OTOP1: variants seen among roughly 807,000 people sequenced by gnomAD.
OTOP1 encodes proton channel OTOP1.
OTOP1 carries 59 observed loss-of-function variants against 52.9 expected under a neutral mutation model. The observed-to-expected ratio is 1.12, with a 90% confidence interval of 0.91 to 1.39. The LOEUF (loss-of-function observed/expected upper bound fraction) is 1.39. OTOP1 is among the 40% of genes most tolerant of loss of function. OTOP1 has a pLI of 0.00. For missense variants in OTOP1, 761 were observed against 800.9 expected, an observed-to-expected ratio of 0.95 and a Z score of 0.60; for synonymous variants, 317 against 337.7, an observed-to-expected ratio of 0.94 and a Z score of 0.67.
chr4:4,221,228 C>T (rs1322132187), intron 1 of OTOP1, among the ~76,000 whole-genome samples: 1 of 151,676 alleles, frequency 6.6e-6, no homozygotes, highest in African/African-American at 2.4e-5. Context: ...TACAGGCACT[C>T]CACATAGCGA....
At chr4:4,207,895 C>G (rs911430572) in intron 2 of OTOP1, among the ~76,000 whole-genome samples, 3 of 152,100 alleles carry the variant, frequency 2.0e-5, no homozygotes, top group African/African-American at 4.8e-5. Context: ...AGGGCAAATA[C>G]TGGGAAACAA....
At chr4:4,209,956 C>T (rs553794252) in intron 2 of OTOP1, among the ~76,000 whole-genome samples, 11 of 152,270 alleles carry the variant, frequency 7.2e-5, no homozygotes, top group African/African-American at 1.2e-4. Flanking sequence ...CTCTCACAAA[C>T]GGTTCTTGGA....
At position 4,197,593 on chromosome 4, in the gene OTOP1, C is replaced by G. The variant is rs1252896007; in HGVS notation, c.1241G>C (p.Cys414Ser). 6.2e-7 allele frequency: 1 copy of G among 1,613,934 alleles called. No homozygotes were observed. Among genetic ancestry groups the G allele is most frequent in the Non-Finnish European group, 8.5e-7 (1 of 1,179,984 alleles). The change falls in exon 5 of 6, where the codon TGT (cysteine) becomes TCT (serine). Residue 414 changes from cysteine (C) to serine (S), a missense_variant. Cys to Ser is a moderately radical substitution (Grantham distance 112). Around this residue, in one of 3 missense-constraint regions of OTOP1, gnomAD observed 632 missense variants for 619.5 expected, o/e 1.02. Coordinates refer to ENST00000296358, the MANE Select transcript of OTOP1 (RefSeq NM_177998.3). ...GGTGTAGCGGGGGTGGCCCTCAGCA[C>G]AGAGGATGGCCAAGATTGAGCCCCA... is the stretch of plus-strand genomic sequence containing the variant. ...ISWGSILAIL[C>S]AEGHPRYTWY...
intron 1 of OTOP1, among the ~76,000 whole-genome samples, chr4:4,216,053 C>T (rs1717140357): frequency 6.6e-6 from 1 of 152,040 alleles, no homozygotes; most frequent in South Asian, 2.1e-4. Flanking sequence ...CCTGCCTCAG[C>T]TTCCCAAAGT....
intron 1 of OTOP1, among the ~76,000 whole-genome samples, chr4:4,222,351 G>C (rs1299362536): frequency 6.6e-6 from 1 of 152,240 alleles, no homozygotes. Flanking sequence ...GGAGCTGACA[G>C]GTGCAAGGCA....
intron 1 of OTOP1, among the ~76,000 whole-genome samples, chr4:4,224,105 T>C (rs1485917640): frequency 6.6e-6 from 1 of 151,282 alleles, no homozygotes; most frequent in Non-Finnish European, 1.5e-5. Flanking sequence ...TCCCAGCACT[T>C]TGGGAGGCTG....
intron 5 of OTOP1, among the ~76,000 whole-genome samples, chr4:4,194,083 G>T (rs937364935): frequency 8.5e-5 from 13 of 152,118 alleles, no homozygotes; most frequent in Admixed American, 5.9e-4. Flanking sequence ...CACCTCCTCG[G>T]GATGCTGAGG....
At chr4:4,212,650 C>T (rs1717050184) in intron 2 of OTOP1, among the ~76,000 whole-genome samples, 1 of 152,170 alleles carries the variant, frequency 6.6e-6, no homozygotes, top group African/African-American at 2.4e-5. Flanking sequence ...AGTTCTGCCT[C>T]ATAGGATCCC....
At chr4:4,212,335 T>C (rs1218943319) in intron 2 of OTOP1, among the ~76,000 whole-genome samples, 1 of 152,214 alleles carries the variant, frequency 6.6e-6, no homozygotes, top group Non-Finnish European at 1.5e-5. Context: ...CATACATTTC[T>C]AAAAGATTTT....
At position 4,202,458 on chromosome 4, in the gene OTOP1, G is replaced by C; in HGVS notation, c.720C>G (p.Asn240Lys). ...TCTCTCACCACTCACCTGTTGTTATGTTCCCAAAACCCAGAGTGATGAGCC... is the reference window on the plus strand; with the variant it reads ...TCTCTCACCACTCACCTGTTGTTATCTTCCCAAAACCCAGAGTGATGAGCC... ...KERLITLGFG[N>K]ITTVLDDHTP... is the part of the protein sequence containing the mutation. The change falls in exon 4 of 6, where the codon AAC becomes AAG. Residue 240 changes from asparagine (N) to lysine (K), a missense_variant. By Grantham distance (94) the Asn-to-Lys change is moderately conservative. Transcript: ENST00000296358. 6.2e-7 allele frequency: 1 copy of C among 1,613,836 alleles called. No homozygotes were observed. The highest frequency in any genetic ancestry group is 8.5e-7 in the Non-Finnish European group (1 of 1,179,826).
intron 1 of OTOP1, among the ~76,000 whole-genome samples, chr4:4,221,772 C>G (rs1331593369): frequency 6.6e-6 from 1 of 152,152 alleles, no homozygotes; most frequent in Non-Finnish European, 1.5e-5. Flanking sequence ...CTGTGTCCCA[C>G]CACACCCAGC....
intron 1 of OTOP1, among the ~76,000 whole-genome samples, chr4:4,222,825 G>A (rs542681627): frequency 6.6e-5 from 10 of 152,294 alleles, no homozygotes; most frequent in Middle Eastern, 6.8e-3. Context: ...TCCCTGTTGG[G>A]GCTGAAGGTG....
intron 2 of OTOP1, among the ~76,000 whole-genome samples, 170 bp downstream of exon 2, chr4:4,212,698 C>T (rs1233304562): frequency 5.3e-5 from 8 of 152,148 alleles, no homozygotes; most frequent in Non-Finnish European, 4.4e-5. Context: ...TTTTATTTTG[C>T]AATGGAGGCA....
chr4:4,193,921 C>T (rs1376308115), intron 5 of OTOP1, among the ~76,000 whole-genome samples: 1 of 152,190 alleles, frequency 6.6e-6, no homozygotes, highest in Admixed American at 6.5e-5. Flanking sequence ...GGAGCGGTGG[C>T]TCACACCCGT....
At chr4:4,220,066 C>T (rs1455590142) in intron 1 of OTOP1, among the ~76,000 whole-genome samples, 1 of 123,492 alleles carries the variant, frequency 8.1e-6, no homozygotes, top group Non-Finnish European at 1.6e-5. Flanking sequence ...CGTGTATATA[C>T]ATATATATGT....
At chr4:4,219,433 G>A (rs1717221597) in intron 1 of OTOP1, among the ~76,000 whole-genome samples, 1 of 152,132 alleles carries the variant, frequency 6.6e-6, no homozygotes, top group South Asian at 2.1e-4. Context: ...CGGGCGCGGT[G>A]GCTCACGCCT....
intron 5 of OTOP1, among the ~76,000 whole-genome samples, chr4:4,194,658 C>T (rs2920171): frequency 0.6 from 90,844 of 151,676 alleles, 28,555 homozygotes; most frequent in South Asian, 0.76. Flanking sequence ...GGGAGGAAGC[C>T]CAAAAGCCTC....
In OTOP1 at chr4:4,188,964, G is replaced by A. The variant is rs750609534; in HGVS notation, c.1678C>T (p.Pro560Ser). The change falls in exon 6 of 6, where the codon CCT becomes TCT. Residue 560 changes from proline to serine, a missense_variant. Physicochemically the swap from Pro to Ser is moderately conservative, Grantham distance 74 (BLOSUM62 -1). Transcript: ENST00000296358. ...LFLCNISLWIPPAFGCRPEYD... is the reference protein window; with the variant it reads ...LFLCNISLWISPAFGCRPEYD... ...TCAGGTCGACAGCCAAAGGCGGGAG[G>A]TATCCAAAGCTGCAAGAGAAGAGAA... is the stretch of plus-strand genomic sequence containing the variant. 27 of 1,611,962 alleles carry A rather than the reference G, an allele frequency of 1.7e-5. 1 individual carries two copies. The highest frequency in any genetic ancestry group is 5.3e-5 in the African/African-American group (4 of 74,832).
chr4:4,215,597 T>A lies in OTOP1; in HGVS notation c.404-2593A>T, dbSNP rs1577183119. ...ATCACTTGAACCCAGGAAGTGGAGGTTGCAGTGAGCCGAGATCGCATGATT... is the reference window on the plus strand; with the variant it reads ...ATCACTTGAACCCAGGAAGTGGAGGATGCAGTGAGCCGAGATCGCATGATT... On this transcript the variant is annotated intron_variant, in intron 1 of 5. Coordinates refer to ENST00000296358, the MANE Select transcript of OTOP1 (RefSeq NM_177998.3). Among the ~76,000 whole-genome samples the A allele has an allele frequency of 3.3e-5, 5 of 151,348 alleles. 2 individuals carry two copies. The highest frequency in any genetic ancestry group is 3.3e-4 in the Admixed American group (5 of 15,180).
Sources: gnomAD v4.1 joint callset for allele counts (sites outside exome capture counted in the v4.1 genomes callset) on GRCh38, gnomAD v4.1.1 for gene constraint, gnomAD v4.1.1 regional missense constraint, MANE v1.5 for transcripts, NCBI Gene and HGNC (gene_info 2026-07-23, HGNC 2026-07-21) for gene names.